The following RSRC1 variants were observed in gnomAD, a reference collection of about 807,000 sequenced individuals.
RSRC1 encodes the protein arginine and serine rich coiled-coil 1.
In RSRC1, 39 loss-of-function variants were observed where a neutral mutation model predicts 49.1. That is an observed-to-expected ratio of 0.79 (90% CI 0.61 to 1.04). The LOEUF (loss-of-function observed/expected upper bound fraction) is 1.04. Among genes scored for constraint, RSRC1 ranks in the 50% least tolerant of loss-of-function variants. The pLI is 0.00. For missense variants in RSRC1, 388 were observed against 402.4 expected, an observed-to-expected ratio of 0.96 and a Z score of 0.31; for synonymous variants, 143 against 130.8, an observed-to-expected ratio of 1.09 and a Z score of -0.63.
chr3:158,355,792 A>G lies in RSRC1; in HGVS notation c.583+884A>G, dbSNP rs111689024. Among the ~76,000 whole-genome samples, 261 of 146,904 alleles carry G rather than the reference A, an allele frequency of 1.8e-3. 2 individuals carry two copies. The highest frequency in any genetic ancestry group is 0.015 in the Admixed American group (224 of 15,236). On this transcript the variant is annotated intron_variant, in intron 6 of 9. Coordinates refer to ENST00000611884, the MANE Select transcript of RSRC1 (RefSeq NM_001271838.2). Reference sequence around the variant, plus strand: ...GTAGTACAATAGTCCTCTCTTATACATGGTGGATGTCTTCCAAGCGTCCAG... The same window carrying G: ...GTAGTACAATAGTCCTCTCTTATACGTGGTGGATGTCTTCCAAGCGTCCAG...
At chr3:158,354,831 TG>T in intron 5 of RSRC1, 25 bp from the exon 6 acceptor site, 1 of 1,529,696 alleles carries the variant, frequency 6.5e-7, no homozygotes, top group African/African-American at 1.4e-5. Context: ...CTTGTATGGT[TG>T]AATTTTTTTT....
In RSRC1 at chr3:158,499,270, G is replaced by A. The variant is rs372161344; in HGVS notation, c.653-37822G>A. On this transcript the variant is annotated intron_variant, in intron 7 of 9. Coordinates refer to ENST00000611884, the MANE Select transcript of RSRC1 (RefSeq NM_001271838.2). Reference sequence around the variant, plus strand: ...CACGCGCCTGTAATCCCAGCTACTCGGGAGGCTGAGGCAGGAGAATGGTGT... The same window carrying A: ...CACGCGCCTGTAATCCCAGCTACTCAGGAGGCTGAGGCAGGAGAATGGTGT... Among the ~76,000 whole-genome samples the A allele has an allele frequency of 5.7e-3, 868 of 152,168 alleles. 14 individuals are homozygous for A. The highest frequency in any genetic ancestry group is 0.02 in the African/African-American group (828 of 41,514).
intron 4 of RSRC1, among the ~76,000 whole-genome samples, chr3:158,249,291 C>G (rs1455363164): frequency 1.3e-5 from 2 of 152,188 alleles, no homozygotes; most frequent in African/African-American, 4.8e-5. Context: ...CATCCACTCT[C>G]CCTCCCTCAG....
chr3:158,342,675 C>A lies in RSRC1; in HGVS notation c.532-12182C>A, dbSNP rs376672636. Among the ~76,000 whole-genome samples, 41 of 152,260 alleles carry A rather than the reference C, an allele frequency of 2.7e-4. No individual in the cohort carries two copies. In the South Asian group the frequency reaches 3.3e-3, roughly 12 times the overall value. ...GCAAGTTATTTTCCTTCACAAGATT[C>A]TTGTTAGTATTAAAAGAAATAATAG... On this transcript the variant is annotated intron_variant, in intron 5 of 9. Transcript: ENST00000611884.
At chr3:158,293,344 T>C (rs966592135) in intron 4 of RSRC1, among the ~76,000 whole-genome samples, 15 of 152,122 alleles carry the variant, frequency 9.9e-5, no homozygotes, top group African/African-American at 3.6e-4. Flanking sequence ...GACTTAAATG[T>C]ATTTTGTCAT....
At chr3:158,132,989 T>TA (rs1716139101) in intron 3 of RSRC1, among the ~76,000 whole-genome samples, 1 of 152,172 alleles carries the variant, frequency 6.6e-6, no homozygotes, top group South Asian at 2.1e-4. Context: ...ACTTCTGGAA[T>TA]AAACGGATAT....
chr3:158,454,603 G>A (rs937505299), intron 6 of RSRC1, among the ~76,000 whole-genome samples: 4 of 151,924 alleles, frequency 2.6e-5, no homozygotes, highest in Non-Finnish European at 5.9e-5. Context: ...TTCCCACATC[G>A]CATTAAGGAT....
intron 3 of RSRC1, among the ~76,000 whole-genome samples, chr3:158,141,416 T>C (rs1716742284): frequency 6.6e-6 from 1 of 152,162 alleles, no homozygotes; most frequent in African/African-American, 2.4e-5. Flanking sequence ...TTTAACAGGA[T>C]TCACAGAAGT....
chr3:158,262,923 T>C (rs967920202), intron 4 of RSRC1, among the ~76,000 whole-genome samples: 2 of 152,154 alleles, frequency 1.3e-5, no homozygotes, highest in African/African-American at 2.4e-5. Flanking sequence ...AATTCACTTA[T>C]ACTTTTAGTA....
chr3:158,490,666 A>T (rs5025785), intron 7 of RSRC1, among the ~76,000 whole-genome samples: 2 of 152,056 alleles, frequency 1.3e-5, no homozygotes, highest in Admixed American at 1.3e-4. Flanking sequence ...ATTACACTTC[A>T]TAATGTATTT....
At chr3:158,275,075 G>A (rs7621971) in intron 4 of RSRC1, among the ~76,000 whole-genome samples, 72,416 of 151,908 alleles carry the variant, frequency 0.48, 17,811 homozygotes, top group East Asian at 0.64. Context: ...TTTATCTAAT[G>A]GCCACTGGCT....
intron 6 of RSRC1, among the ~76,000 whole-genome samples, chr3:158,356,733 ATTG>A (rs1731183916): frequency 1.3e-5 from 2 of 152,116 alleles, no homozygotes; most frequent in Admixed American, 1.3e-4. Flanking sequence ...CCAGCTCATA[ATTG>A]AGTAAACCCT....
intron 6 of RSRC1, among the ~76,000 whole-genome samples, chr3:158,456,624 T>C (rs78733369): frequency 0.011 from 1,649 of 152,162 alleles, 32 homozygotes; most frequent in African/African-American, 0.038. Flanking sequence ...AGGTTGTTGA[T>C]TGGGGAAGGC....
intron 5 of RSRC1, among the ~76,000 whole-genome samples, chr3:158,323,191 C>T (rs146975723): frequency 2.4e-4 from 37 of 152,202 alleles, no homozygotes; most frequent in African/African-American, 7.7e-4. Flanking sequence ...TTTCTAGACT[C>T]AAACTGTGAA....
intron 6 of RSRC1, among the ~76,000 whole-genome samples, chr3:158,424,578 A>T (rs1386750890): frequency 6.0e-5 from 9 of 151,008 alleles, no homozygotes; most frequent in African/African-American, 2.2e-4. Flanking sequence ...TGGTATCAGG[A>T]TGATGCTGGC....
intron 4 of RSRC1, among the ~76,000 whole-genome samples, chr3:158,207,662 T>TAGATAGATAGACAGAC (rs55689613): frequency 6.4e-4 from 95 of 149,054 alleles, no homozygotes; most frequent in African/African-American, 2.0e-3. Flanking sequence ...GATAGATAGA[T>TAGATAGATAGACAGAC]AGACAGAGAG....
chr3:158,438,259 A>T (rs1296161999), intron 6 of RSRC1, among the ~76,000 whole-genome samples: 1 of 152,208 alleles, frequency 6.6e-6, no homozygotes, highest in African/African-American at 2.4e-5. Flanking sequence ...TAATTTATAG[A>T]TACAATGCCA....
At chr3:158,206,186 A>C (rs1216958849) in intron 4 of RSRC1, among the ~76,000 whole-genome samples, 1 of 152,158 alleles carries the variant, frequency 6.6e-6, no homozygotes, top group Non-Finnish European at 1.5e-5. Flanking sequence ...CTGTTTTTAT[A>C]CTTCTCACAG....
At chr3:158,276,928 C>G (rs1725852308) in intron 4 of RSRC1, among the ~76,000 whole-genome samples, 2 of 152,108 alleles carry the variant, frequency 1.3e-5, no homozygotes, top group African/African-American at 4.8e-5. Flanking sequence ...TCAAAATAAC[C>G]TCATATGGAT....
Sources: allele counts gnomAD v4.1 joint callset (sites outside exome capture counted in the v4.1 genomes callset), GRCh38; gene constraint gnomAD v4.1.1; transcripts MANE v1.5; gene names NCBI Gene and HGNC (gene_info 2026-07-23, HGNC 2026-07-21).